The following PPP1R14C variants were observed in gnomAD, a reference collection of about 807,000 sequenced individuals.
PPP1R14C encodes the protein protein phosphatase 1 regulatory subunit 14C.
A neutral mutation model predicts 20.4 loss-of-function variants in PPP1R14C; 16 were observed. The observed-to-expected ratio is 0.78, with a 90% confidence interval of 0.53 to 1.19. The LOEUF (loss-of-function observed/expected upper bound fraction) is 1.19, where lower values mean the gene tolerates loss of function less well. PPP1R14C is among the 50% of genes most tolerant of loss of function. The pLI is 0.00. For missense variants in PPP1R14C, 211 were observed against 220.1 expected (o/e 0.96, Z 0.26); for synonymous variants, 91 against 91.0 (o/e 1.00, Z 0.00).
At chr6:150,187,614 G>T (rs1280998136) in intron 1 of PPP1R14C, among the ~76,000 whole-genome samples, 1 of 152,134 alleles carries the variant, frequency 6.6e-6, no homozygotes, top group Non-Finnish European at 1.5e-5. Context: ...TGTTTCTGCA[G>T]AGGACATGAT....
chr6:150,151,563 C>T (rs1181436277), intron 1 of PPP1R14C, among the ~76,000 whole-genome samples: 1 of 152,174 alleles, frequency 6.6e-6, no homozygotes, highest in African/African-American at 2.4e-5. Context: ...GCTACTGCAC[C>T]CTCCACCACT....
Position 150,143,051 on chromosome 6 carries a change from C to G in PPP1R14C, c.-142C>G, listed in dbSNP as rs1488871040. Reference sequence around the variant, plus strand: ...GGCTCCTCCCGCCCTCCCAGAGCAGCCGGGCGGCTGGGCGCGCGCGGCGCA... The same window carrying G: ...GGCTCCTCCCGCCCTCCCAGAGCAGGCGGGCGGCTGGGCGCGCGCGGCGCA... On this transcript the variant is annotated 5_prime_UTR_variant, in exon 1 of 4. Coordinates refer to ENST00000361131, the MANE Select transcript of PPP1R14C (RefSeq NM_030949.3). This position sits in a 1 kb window ranked among gnomAD's most constrained non-coding sequence, Gnocchi z 5.6. The G allele has an allele frequency of 9.4e-7, 1 of 1,069,266 alleles. No individual in the cohort carries two copies. The highest frequency in any genetic ancestry group is 1.1e-6 in the Non-Finnish European group (1 of 888,414). The allele number at this position is 1,069,266 out of a possible 1,614,324, so 66.2% of individuals were successfully genotyped here.
At chr6:150,202,710 A>G (rs950134380) in intron 1 of PPP1R14C, among the ~76,000 whole-genome samples, 3 of 152,174 alleles carry the variant, frequency 2.0e-5, no homozygotes, top group Admixed American at 6.5e-5. Flanking sequence ...AGGTCATTGT[A>G]TGACTCACAC....
chr6:150,204,845 C>T (rs573771777), intron 1 of PPP1R14C, among the ~76,000 whole-genome samples: 9 of 152,224 alleles, frequency 5.9e-5, no homozygotes, highest in South Asian at 2.1e-4. Context: ...GGGGCATACA[C>T]GGGAAGTCGG....
At chr6:150,167,093 G>A (rs574624807) in intron 1 of PPP1R14C, among the ~76,000 whole-genome samples, 5 of 152,174 alleles carry the variant, frequency 3.3e-5, no homozygotes, top group East Asian at 3.9e-4. Context: ...TAGGCCGGGC[G>A]CGGTGGCTCA....
intron 3 of PPP1R14C, among the ~76,000 whole-genome samples, chr6:150,247,907 G>T (rs1038481808): frequency 3.3e-5 from 5 of 152,166 alleles, no homozygotes; most frequent in African/African-American, 9.7e-5. Flanking sequence ...ATTTTCTGTT[G>T]CTGTAAGAGA....
chr6:150,166,066 G>A (rs114086862), intron 1 of PPP1R14C, among the ~76,000 whole-genome samples: 161 of 149,328 alleles, frequency 1.1e-3, no homozygotes, highest in African/African-American at 3.8e-3. Flanking sequence ...GCCACATACC[G>A]CTCTTCTTCT....
intron 1 of PPP1R14C, among the ~76,000 whole-genome samples, chr6:150,205,169 C>A (rs143637821): frequency 6.6e-5 from 10 of 152,138 alleles, no homozygotes; most frequent in African/African-American, 2.4e-4. Flanking sequence ...GAAAGAGAAA[C>A]CTGCCTGGTG....
chr6:150,194,410 T>G (rs1777779663), intron 1 of PPP1R14C: 1 of 978,860 alleles, frequency 1.0e-6, no homozygotes, highest in East Asian at 1.1e-4. Context: ...GTTTTGTCTC[T>G]TGAGAGTATG....
intron 1 of PPP1R14C, among the ~76,000 whole-genome samples, chr6:150,160,357 T>C (rs558671110): frequency 1.1e-4 from 16 of 144,786 alleles, no homozygotes; most frequent in Admixed American, 9.3e-4. Context: ...CTCCACCTCC[T>C]GGGTTCACGC....
intron 1 of PPP1R14C, among the ~76,000 whole-genome samples, chr6:150,192,757 T>A (rs1307464663): frequency 6.6e-6 from 1 of 152,234 alleles, no homozygotes; most frequent in African/African-American, 2.4e-5. Flanking sequence ...CGGAGTCAGA[T>A]GGTGGCTGGG....
rs1391181152 is a variant in PPP1R14C, at chr6:150,249,140, A to G, written c.*320A>G. 2 of 414,330 alleles carry G rather than the reference A, an allele frequency of 4.8e-6. No individual in the cohort carries two copies. The highest frequency in any genetic ancestry group is 4.1e-5 in the African/African-American group (2 of 48,878). 25.7% of individuals were successfully genotyped at this position (414,330 alleles called of 1,614,324 possible). On this transcript the variant is annotated 3_prime_UTR_variant, in exon 4 of 4. Transcript: ENST00000361131. ...GGCTGCGTTTCCTGCAAGGACTCAG[A>G]TGTTCAGTACCTTATGATACAGGGA...
At chr6:150,187,249 G>C (rs900660547) in intron 1 of PPP1R14C, among the ~76,000 whole-genome samples, 994 of 36,010 alleles carry the variant, frequency 0.028, 11 homozygotes, top group African/African-American at 0.13. Flanking sequence ...CTCTTTCTCT[G>C]TGTGTGTGTG....
At chr6:150,223,935 A>G (rs1778199942) in intron 3 of PPP1R14C, among the ~76,000 whole-genome samples, 3 of 152,178 alleles carry the variant, frequency 2.0e-5, no homozygotes, top group African/African-American at 2.4e-5. Flanking sequence ...ACACAAGATC[A>G]TTTAGATTTT....
rs1777136977 is a variant in PPP1R14C at position 150,143,268 on chromosome 6, C to T, written c.76C>T (p.Pro26Ser). 1 of 1,505,918 alleles carries T rather than the reference C, an allele frequency of 6.6e-7. No individual in the cohort carries two copies. The highest frequency in any genetic ancestry group is 1.4e-5 in the African/African-American group (1 of 69,016). 93.3% of individuals were successfully genotyped at this position (1,505,918 alleles called of 1,614,324 possible). The change falls in exon 1 of 4, where the codon CCC becomes TCC. Residue 26 changes from proline to serine, a missense_variant. Physicochemically the swap from Pro to Ser is moderately conservative, Grantham distance 74. Coordinates refer to ENST00000361131, the MANE Select transcript of PPP1R14C (RefSeq NM_030949.3). The surrounding 1 kb of genome is among the most constrained non-coding windows in gnomAD (Gnocchi z 5.6). ...GGGARVFFQSPRGGAGGSPGS... is the reference protein window; with the variant it reads ...GGGARVFFQSSRGGAGGSPGS... ...CGGCGCACGGGTTTTCTTCCAAAGC[C>T]CCCGGGGTGGCGCCGGTGGCAGCCC...
intron 1 of PPP1R14C, among the ~76,000 whole-genome samples, chr6:150,176,636 G>C (rs1777565849): frequency 6.6e-6 from 1 of 152,174 alleles, no homozygotes; most frequent in Non-Finnish European, 1.5e-5. Context: ...GGCGTCCCTG[G>C]TCCAGAAGAG....
intron 1 of PPP1R14C, among the ~76,000 whole-genome samples, chr6:150,172,528 T>C (rs1777511177): frequency 6.6e-6 from 1 of 152,212 alleles, no homozygotes; most frequent in Non-Finnish European, 1.5e-5. Flanking sequence ...TCCCCAGCTC[T>C]GAGCATCACT....
chr6:150,219,019 A>G (rs777066507), intron 3 of PPP1R14C, among the ~76,000 whole-genome samples: 5 of 151,892 alleles, frequency 3.3e-5, no homozygotes, highest in Non-Finnish European at 7.4e-5. Flanking sequence ...TAGGAGAAAG[A>G]TGATCACTCT....
chr6:150,157,745 T>C (rs185974301), intron 1 of PPP1R14C, among the ~76,000 whole-genome samples: 39 of 152,280 alleles, frequency 2.6e-4, no homozygotes, highest in Non-Finnish European at 2.4e-4. Context: ...GGAACTAACC[T>C]GTCACCTCCA....
Sources: allele counts gnomAD v4.1 joint callset (sites outside exome capture counted in the v4.1 genomes callset), GRCh38; gene constraint gnomAD v4.1.1; non-coding constraint Gnocchi (gnomAD v3.1); transcripts MANE v1.5; gene names NCBI Gene and HGNC (gene_info 2026-07-23, HGNC 2026-07-21).